NR5A2: variants seen among roughly 807,000 people sequenced by gnomAD.
NR5A2 encodes the protein CYP7A promoter-binding factor.
Under a neutral mutation model 62.7 loss-of-function variants are expected in NR5A2, and 26 were observed. That is an observed-to-expected ratio of 0.41 (90% CI 0.30 to 0.58). NR5A2 has a LOEUF of 0.58. Among genes scored for constraint, NR5A2 ranks in the 20% least tolerant of loss-of-function variants. The pLI, the probability that NR5A2 is intolerant of heterozygous loss-of-function variation, is 0.22. For missense variants in NR5A2, 541 were observed against 669.1 expected, an observed-to-expected ratio of 0.81 and a Z score of 2.11; for synonymous variants, 246 against 241.7, an observed-to-expected ratio of 1.02 and a Z score of -0.16.
In NR5A2 at chr1:200,039,552, G is replaced by C. The variant is rs1024977107; in HGVS notation, c.65-106G>C. On this transcript the variant is annotated intron_variant, in intron 1 of 7. Coordinates refer to ENST00000367362, the MANE Select transcript of NR5A2 (RefSeq NM_205860.3). This position sits in a 1 kb window ranked among gnomAD's most constrained non-coding sequence, Gnocchi z 5.1. The stretch of plus-strand genomic sequence containing the variant: ...CAGAGGTCCTGCCCGGCAGCCCCGA[G>C]GAGGCGGAGGCACGCTCCGGCGAGG... 2.0e-6 allele frequency: 3 copies of C among 1,536,540 alleles called. No homozygotes were observed. In the African/African-American group the frequency reaches 4.2e-5, roughly 21 times the overall value.
chr1:200,136,103 T>C (rs1014082229), intron 7 of NR5A2, among the ~76,000 whole-genome samples: 8 of 152,168 alleles, frequency 5.3e-5, no homozygotes, highest in Non-Finnish European at 1.0e-4. Context: ...GGTCTAATAA[T>C]AAACAATTAG....
chr1:200,144,221 T>TCA (rs755056555), intron 7 of NR5A2, among the ~76,000 whole-genome samples: 193 of 39,080 alleles, frequency 4.9e-3, no homozygotes, highest in Middle Eastern at 0.011. Context: ...TGTTTCTCTC[T>TCA]CTCTCTCTCT....
chr1:200,119,240 C>A (rs1202343769), intron 6 of NR5A2, among the ~76,000 whole-genome samples: 2 of 152,188 alleles, frequency 1.3e-5, no homozygotes, highest in Non-Finnish European at 2.9e-5. Flanking sequence ...TTTTTAATTG[C>A]AAATTCTACT....
intron 1 of NR5A2, among the ~76,000 whole-genome samples, chr1:200,036,108 T>A (rs1374842757): frequency 6.6e-6 from 1 of 152,178 alleles, no homozygotes; most frequent in Non-Finnish European, 1.5e-5. Context: ...GGTGTATTTA[T>A]GGGTCAGTGC....
intron 6 of NR5A2, among the ~76,000 whole-genome samples, chr1:200,117,577 A>C (rs1666283397): frequency 6.6e-6 from 1 of 152,190 alleles, no homozygotes; most frequent in African/African-American, 2.4e-5. Context: ...ATTTGAACTT[A>C]TTATTATACA....
At chr1:200,081,546 C>G (rs1365368050) in intron 5 of NR5A2, among the ~76,000 whole-genome samples, 1 of 152,212 alleles carries the variant, frequency 6.6e-6, no homozygotes, top group Non-Finnish European at 1.5e-5. Flanking sequence ...ATAAGCTGAT[C>G]CATAGGAAGC....
chr1:200,108,498 G>T (rs904884179), intron 5 of NR5A2, among the ~76,000 whole-genome samples: 1 of 152,096 alleles, frequency 6.6e-6, no homozygotes, highest in African/African-American at 2.4e-5. Flanking sequence ...GTATAAATAG[G>T]TTCTTAAGCT....
intron 5 of NR5A2, among the ~76,000 whole-genome samples, chr1:200,096,674 AAC>A (rs1409478896): frequency 6.6e-6 from 1 of 152,210 alleles, no homozygotes; most frequent in Non-Finnish European, 1.5e-5. Context: ...TGAACAACCA[AAC>A]ACACAGTACA....
rs557465636 is a variant in NR5A2 at position 200,056,852 on chromosome 1, T to C, written c.1110+8034T>C. ...GCGAGGCACACCCAAGAAATCCATG[T>C]TTAACTAGCTTGGCCATCGTCAGGT... On this transcript the variant is annotated intron_variant, in intron 5 of 7. Coordinates refer to ENST00000367362, the MANE Select transcript of NR5A2 (RefSeq NM_205860.3). 3.9e-5 allele frequency among the ~76,000 whole-genome samples: 6 copies of C among 152,242 alleles called. No individual in the cohort carries two copies. In the East Asian group the frequency reaches 7.7e-4, roughly 20 times the overall value.
chr1:200,171,873 TTTTC>T (rs1328253158), intron 7 of NR5A2, among the ~76,000 whole-genome samples: 5 of 152,324 alleles, frequency 3.3e-5, no homozygotes, highest in African/African-American at 4.8e-5. Flanking sequence ...TTGTTGGTAG[TTTTC>T]TTTCTTTTTG....
At chr1:200,061,120 CAAAAAAAA>C (rs34729240) in intron 5 of NR5A2, among the ~76,000 whole-genome samples, 1 of 75,404 alleles carries the variant, frequency 1.3e-5, no homozygotes, top group Non-Finnish European at 2.7e-5. Flanking sequence ...AACTCCGTCT[CAAAAAAAA>C]AAAAAAAAAA....
chr1:200,093,637 G>A (rs1280856139), intron 5 of NR5A2, among the ~76,000 whole-genome samples: 1 of 152,170 alleles, frequency 6.6e-6, no homozygotes, highest in African/African-American at 2.4e-5. Flanking sequence ...TCGTTGAAAA[G>A]TGTTTCCGGT....
At chr1:200,137,932 T>C (rs1667299178) in intron 7 of NR5A2, among the ~76,000 whole-genome samples, 1 of 152,198 alleles carries the variant, frequency 6.6e-6, no homozygotes, top group Non-Finnish European at 1.5e-5. Context: ...TTTCTAATTA[T>C]AACTTCAAGG....
intron 6 of NR5A2, among the ~76,000 whole-genome samples, chr1:200,114,857 T>C (rs898585894): frequency 6.6e-6 from 1 of 152,166 alleles, no homozygotes; most frequent in Non-Finnish European, 1.5e-5. Flanking sequence ...GTGCTAGAGT[T>C]TGTGTTCTTT....
chr1:200,053,892 G>A (rs1040449774), intron 5 of NR5A2, among the ~76,000 whole-genome samples: 27 of 152,158 alleles, frequency 1.8e-4, no homozygotes, highest in Non-Finnish European at 1.2e-4. Context: ...TACCCTCTGC[G>A]GATAGTTTAC....
intron 1 of NR5A2, among the ~76,000 whole-genome samples, chr1:200,030,009 C>G (rs1304268877): frequency 6.6e-6 from 1 of 152,160 alleles, no homozygotes; most frequent in Non-Finnish European, 1.5e-5. Flanking sequence ...AGCCTTCGGA[C>G]TGAACTATTG....
intron 7 of NR5A2, among the ~76,000 whole-genome samples, chr1:200,132,363 G>A (rs1667003811): frequency 2.6e-5 from 4 of 152,138 alleles, no homozygotes; most frequent in Admixed American, 2.6e-4. Flanking sequence ...GTGATACAGA[G>A]CTGCATTTTG....
chr1:200,164,906 T>C (rs12132260), intron 7 of NR5A2, among the ~76,000 whole-genome samples: 46,182 of 130,446 alleles, frequency 0.35, 10,375 homozygotes, highest in African/African-American at 0.65. Flanking sequence ...GACGGAGTCT[T>C]ACTCTTGTCA....
At chr1:200,167,323 A>C (rs1653947184) in intron 7 of NR5A2, among the ~76,000 whole-genome samples, 1 of 151,856 alleles carries the variant, frequency 6.6e-6, no homozygotes, top group Admixed American at 6.6e-5. Context: ...CTTAACAGAC[A>C]CCTGGAAGCC....
Sources: allele counts gnomAD v4.1 joint callset (sites outside exome capture counted in the v4.1 genomes callset), GRCh38; gene constraint gnomAD v4.1.1; non-coding constraint Gnocchi (gnomAD v3.1); transcripts MANE v1.5; gene names NCBI Gene and HGNC (gene_info 2026-07-23, HGNC 2026-07-21).